PDZD4: variants seen among roughly 807,000 people sequenced by gnomAD.
PDZD4 encodes PDZ domain containing 4.
Under a neutral mutation model 38.5 loss-of-function variants are expected in PDZD4, and 9 were observed. That is an observed-to-expected ratio of 0.23 (90% CI 0.14 to 0.41). The LOEUF is 0.41. PDZD4 is among the 10% of genes least tolerant of loss of function. PDZD4 has a pLI of 1.00. For synonymous variants in PDZD4, 349 were observed against 315.7 expected, an observed-to-expected ratio of 1.11 and a Z score of -1.12; for missense variants, 612 against 722.0, an observed-to-expected ratio of 0.85 and a Z score of 1.75.
At position 153,803,301 on chromosome X, in the gene PDZD4, C is replaced by T; in HGVS notation, c.*52G>A. On this transcript the variant is annotated 3_prime_UTR_variant, in exon 8 of 8. Transcript: ENST00000393758. The stretch of plus-strand genomic sequence containing the variant: ...CACAATCTCTATAGGAGAGTGAGGG[C>T]CGGGGCCCCAGGGGGTTCCCTGGGC... 9.5e-7 allele frequency: 1 copy of T among 1,053,275 alleles called. No homozygotes were observed. The highest frequency in any genetic ancestry group is 1.2e-6 in the Non-Finnish European group (1 of 804,825). The allele number at this position is 1,053,275 out of a possible 1,213,427, so 86.8% of individuals were successfully genotyped here.
chrX:153,821,691 G>T (rs1204657492), intron 1 of PDZD4, among the ~76,000 whole-genome samples: 1 of 111,103 alleles, frequency 9.0e-6, no homozygotes, highest in East Asian at 2.8e-4. Flanking sequence ...CGGGTGGAGG[G>T]TGGCGCTGTA....
Position 153,803,770 on chromosome X carries a change from G to A in PDZD4, c.1911C>T (p.Asp637=). The change falls in exon 8 of 8, where the codon GAC becomes GAT. Residue 637 remains aspartate, a synonymous_variant. Transcript: ENST00000393758. ...GCCGCTTGGCCACGTAGCGGGTTCC[G>A]TCGCTGCGCACCTTCACTTTCCACT... The part of the protein sequence containing the change: ...RMEWKVKVRS[D]GTRYVAKRPV... The A allele has an allele frequency of 3.3e-6, 4 of 1,208,076 alleles. No homozygotes were observed. Among genetic ancestry groups the A allele is most frequent in the Non-Finnish European group, 4.5e-6 (4 of 895,369 alleles).
intron 1 of PDZD4, among the ~76,000 whole-genome samples, chrX:153,814,484 C>CA (rs1479041452): frequency 6.2e-5 from 5 of 81,042 alleles, no homozygotes; most frequent in Admixed American, 1.3e-4. Context: ...CCCCCCACCC[C>CA]CCCCCCAAAA....
intron 1 of PDZD4, among the ~76,000 whole-genome samples, chrX:153,817,017 G>T (rs1557080125): frequency 9.0e-6 from 1 of 111,076 alleles, no homozygotes; most frequent in African/African-American, 3.3e-5. Flanking sequence ...CGGCCAGTAC[G>T]CACAGAGGAA....
intron 1 of PDZD4, among the ~76,000 whole-genome samples, chrX:153,822,604 C>T (rs1161282863): frequency 3.6e-5 from 4 of 110,395 alleles, no homozygotes; most frequent in African/African-American, 6.6e-5. Flanking sequence ...GCTTTGTTCC[C>T]TGTCCATCTG....
rs2064530678 is a variant in PDZD4, at chrX:153,830,383, CG to C, written c.-86del. 1.1e-6 allele frequency: 1 copy of C among 889,559 alleles called. No homozygotes were observed. The highest frequency in any genetic ancestry group is 1.6e-6 in the Non-Finnish European group (1 of 629,883). The allele number at this position is 889,559 out of a possible 1,213,427, so 73.3% of individuals were successfully genotyped here. A position where few individuals can be genotyped will look rare whatever the true frequency, so the allele number is the denominator to read the frequency against. On this transcript the variant is annotated 5_prime_UTR_variant, in exon 1 of 8. An upstream open reading frame in the 5' UTR loses its in-frame stop. Transcript: ENST00000393758. ...GGGCGCGGGACCTCGGGTCCCGGGC[CG>C]GGGCCAGGGGCCATACCCTGGCGCG...
At chrX:153,806,420 A>G (rs782401512) in intron 4 of PDZD4, among the ~76,000 whole-genome samples, 1 of 112,588 alleles carries the variant, frequency 8.9e-6, no homozygotes, top group East Asian at 2.8e-4. Flanking sequence ...GTGGGATGCT[A>G]CTAGTAGGGA....
At chrX:153,807,701 G>A (rs113278257) in intron 2 of PDZD4, 2,405 of 64,214 alleles carry the variant, frequency 0.037, 16 homozygotes, top group African/African-American at 0.078. Flanking sequence ...CCACCCGCCC[G>A]CCCAGCACTG....
In PDZD4 at chrX:153,803,892, G is replaced by A; in HGVS notation, c.1789C>T (p.Arg597Ter). 1 of 1,181,016 alleles carries A rather than the reference G, an allele frequency of 8.5e-7. No homozygotes were observed. Among genetic ancestry groups the A allele is most frequent in the Non-Finnish European group, 1.1e-6 (1 of 882,840 alleles). ...CCGTGGCCCAGCTCCTCCAGGCCTC[G>A]CGTCGGGGCCAGCTGCACGCAGCTG... Reference protein sequence around the residue: ...YHSCVQLAPTRGLEELGHGPL... With the variant: ...YHSCVQLAPT Residue 597 changes from arginine to a stop codon, truncating the protein, a stop_gained, in exon 8 of 8, where the codon CGA (arginine) becomes TGA (stop). Transcript: ENST00000393758. LOFTEE classifies it high-confidence loss of function.
At chrX:153,821,552 C>T (rs1328096769) in intron 1 of PDZD4, among the ~76,000 whole-genome samples, 3 of 111,269 alleles carry the variant, frequency 2.7e-5, no homozygotes, top group South Asian at 3.7e-4. Flanking sequence ...GATCTACTCC[C>T]GGTCCCTACC....
intron 1 of PDZD4, among the ~76,000 whole-genome samples, chrX:153,825,623 A>G (rs782680338): frequency 2.7e-5 from 3 of 112,553 alleles, no homozygotes; most frequent in African/African-American, 9.7e-5. Context: ...ATGACACACG[A>G]AAGTGCCTGT....
At chrX:153,829,792 C>CA (rs2064522338) in intron 1 of PDZD4, 1 of 756,363 alleles carries the variant, frequency 1.3e-6, no homozygotes, top group Non-Finnish European at 1.6e-6. Flanking sequence ...GAGTGGGTGT[C>CA]GGGGTGGGCA....
rs202219742 is a variant in PDZD4, at chrX:153,809,566, G to A, written c.61-971C>T. Among the ~76,000 whole-genome samples, 86 of 112,678 alleles carry A rather than the reference G, an allele frequency of 7.6e-4. 1 individual carries two copies. The East Asian group carries it at 0.021, about 28-fold the overall frequency. ...CGCACCACTGTACTCCAGCTTGGGCGACAGAGCGAGACTCCGTCTCAAAGA... is the reference window on the plus strand; with the variant it reads ...CGCACCACTGTACTCCAGCTTGGGCAACAGAGCGAGACTCCGTCTCAAAGA... On this transcript the variant is annotated intron_variant, in intron 1 of 7. Transcript: ENST00000393758.
At position 153,805,669 on chromosome X, in the gene PDZD4, G is replaced by A. The variant is rs3747311; in HGVS notation, c.568-63C>T. The stretch of plus-strand genomic sequence containing the variant: ...GCTGGCCCTGGGGCGGACCCTGGGC[G>A]GGTGCAGGGAGCCCAAGCACTCTGG... On this transcript the variant is annotated intron_variant, in intron 5 of 7. Coordinates refer to ENST00000393758, the MANE Select transcript of PDZD4 (RefSeq NM_001303512.2). The A allele has an allele frequency of 1.1e-3, 1,091 of 964,807 alleles. 16 individuals are homozygous for A. The East Asian group carries it at 0.027, about 24-fold the overall frequency. 79.5% of individuals were successfully genotyped at this position (964,807 alleles called of 1,213,427 possible).
chrX:153,815,733 C>A (rs1314724283), intron 1 of PDZD4, among the ~76,000 whole-genome samples: 1 of 107,218 alleles, frequency 9.3e-6, no homozygotes, highest in East Asian at 3.1e-4. Flanking sequence ...GGCCCCAGGC[C>A]TTCCCCAGGG....
Position 153,804,528 on chromosome X carries a change from G to T in PDZD4, c.1153C>A (p.Arg385=). 1.7e-6 allele frequency: 2 copies of T among 1,209,440 alleles called. No homozygotes were observed. Among genetic ancestry groups the T allele is most frequent in the East Asian group, 3.0e-5 (1 of 33,848 alleles). The change falls in exon 8 of 8, where the codon CGG becomes AGG. Residue 385 remains arginine (R), a synonymous_variant. Transcript: ENST00000393758. ...NGNQLGLLFP[R]ASGGNSALDV... ...AGGGCGCTGTTGCCTCCGGAGGCCC[G>T]GGGAAAGAGGAGGCCCAGCTGGTTG... is the stretch of plus-strand genomic sequence containing the variant.
chrX:153,807,452 G>T, intron 2 of PDZD4, 83 bp from the exon 3 acceptor site: 1 of 976,322 alleles, frequency 1.0e-6, no homozygotes, highest in South Asian at 2.2e-5. Flanking sequence ...CGATCCCAGC[G>T]TGCCTGGCAC....
In PDZD4 at chrX:153,807,294, A is replaced by T. The variant is rs2064261621; in HGVS notation, c.390T>A (p.Asp130Glu). ...EGGPQEADRL[D>E]ELEYEEVELY... is the part of the protein sequence containing the mutation. Reference sequence around the variant, plus strand: ...CCCGGCTCACCTCATACTCCAGCTCATCCAAGCGGTCTGCCTCCTGCGGGC... The same window carrying T: ...CCCGGCTCACCTCATACTCCAGCTCTTCCAAGCGGTCTGCCTCCTGCGGGC... The change falls in exon 3 of 8, where the codon GAT (aspartate) becomes GAA (glutamate). Residue 130 changes from aspartate to glutamate, a missense_variant. By Grantham distance (45) the Asp-to-Glu change is conservative. Coordinates refer to ENST00000393758, the MANE Select transcript of PDZD4 (RefSeq NM_001303512.2). 1.7e-6 allele frequency: 2 copies of T among 1,207,157 alleles called. No individual in the cohort carries two copies. Among genetic ancestry groups the T allele is most frequent in the African/African-American group, 3.5e-5 (2 of 57,424 alleles).
intron 1 of PDZD4, among the ~76,000 whole-genome samples, chrX:153,820,349 CAAAA>C (rs140401659): frequency 1.6e-4 from 3 of 18,235 alleles, no homozygotes; most frequent in East Asian, 4.4e-3. Context: ...GACTCCATCT[CAAAA>C]AAAAAAAAAA....
Sources: gnomAD v4.1 joint callset for allele counts (sites outside exome capture counted in the v4.1 genomes callset) on GRCh38, gnomAD v4.1.1 for gene constraint, MANE v1.5 for transcripts, NCBI Gene and HGNC (gene_info 2026-07-23, HGNC 2026-07-21) for gene names.